The following STX6 variants were observed in gnomAD, a reference collection of about 807,000 sequenced individuals.
STX6 encodes the protein syntaxin 6.
STX6 carries 23 observed loss-of-function variants against 38.0 expected under a neutral mutation model. The ratio of observed to expected loss-of-function variants is 0.60; its 90% CI spans 0.43 to 0.86. STX6 has a LOEUF of 0.86. Ranked by LOEUF, STX6 falls within the 40% of genes least tolerant of loss-of-function variation. The pLI is 0.00. For synonymous variants in STX6, 123 were observed against 107.5 expected (o/e 1.14, Z -0.89); for missense variants, 274 against 312.9 (o/e 0.88, Z 0.94).
rs200099705 is a variant in STX6, at chr1:181,014,406, GA to G, written c.35+8232del. On this transcript the variant is annotated intron_variant, in intron 1 of 7. Coordinates refer to ENST00000258301, the MANE Select transcript of STX6 (RefSeq NM_005819.6). ...AAGACTCCATCTCAAAAAAAAAAAAGAAAAAAAAAGAAAGAAAAGCAACACA... is the reference window on the plus strand; with the variant it reads ...AAGACTCCATCTCAAAAAAAAAAAAGAAAAAAAAGAAAGAAAAGCAACACA... Among the ~76,000 whole-genome samples the G allele has an allele frequency of 2.8e-5, 4 of 142,244 alleles. No homozygotes were observed. In the South Asian group the frequency reaches 8.9e-4, roughly 32 times the overall value. 93.3% of individuals were successfully genotyped at this position (142,244 alleles called of 152,430 possible). A position where few individuals can be genotyped will look rare whatever the true frequency, so the allele number is the denominator to read the frequency against.
At chr1:181,022,280 A>G (rs1656754248) in intron 1 of STX6, among the ~76,000 whole-genome samples, 1 of 152,094 alleles carries the variant, frequency 6.6e-6, no homozygotes, top group Non-Finnish European at 1.5e-5. Flanking sequence ...CGCTCCTTCG[A>G]AGCAAGATCC....
chr1:181,004,922 A>C (rs887790522), intron 2 of STX6, among the ~76,000 whole-genome samples: 5 of 149,834 alleles, frequency 3.3e-5, no homozygotes, highest in Admixed American at 2.0e-4. Context: ...TATCATACTG[A>C]CTTGAGTGTG....
At chr1:180,996,686 C>A (rs1373545824) in intron 3 of STX6, among the ~76,000 whole-genome samples, 11 of 152,120 alleles carry the variant, frequency 7.2e-5, no homozygotes, top group Non-Finnish European at 2.9e-5. Context: ...AATCCTCCCA[C>A]CTCAGCCTCC....
chr1:181,008,066 A>C (rs1211309159), intron 1 of STX6, among the ~76,000 whole-genome samples: 1 of 152,210 alleles, frequency 6.6e-6, no homozygotes, highest in Non-Finnish European at 1.5e-5. Flanking sequence ...GTCTTTTCGG[A>C]CAATTGTGGA....
intron 1 of STX6, among the ~76,000 whole-genome samples, chr1:181,012,599 G>A (rs1403420822): frequency 4.6e-5 from 7 of 151,376 alleles, no homozygotes; most frequent in Admixed American, 4.6e-4. Context: ...TGGAAACACT[G>A]CCCACATCTT....
chr1:180,989,885 T>C (rs1386097059), intron 5 of STX6, 99 bp downstream of exon 5: 5 of 1,423,388 alleles, frequency 3.5e-6, no homozygotes, highest in Non-Finnish European at 4.9e-6. Flanking sequence ...TGGCTTACCC[T>C]CCTTGTCACT....
intron 3 of STX6, among the ~76,000 whole-genome samples, chr1:180,999,549 T>C (rs1656017104): frequency 6.6e-6 from 1 of 151,976 alleles, no homozygotes; most frequent in Admixed American, 6.6e-5. Flanking sequence ...TAAAAGATGC[T>C]TGGAAAAACA....
intron 1 of STX6, among the ~76,000 whole-genome samples, chr1:181,014,336 G>A (rs1656494749): frequency 6.6e-6 from 1 of 150,910 alleles, no homozygotes; most frequent in East Asian, 1.9e-4. Flanking sequence ...GAAGGTTGCA[G>A]TAAGCCGAGA....
chr1:180,984,344 G>C (rs979992103), intron 7 of STX6, among the ~76,000 whole-genome samples: 1 of 152,038 alleles, frequency 6.6e-6, no homozygotes, highest in Non-Finnish European at 1.5e-5. Context: ...TCAGGAGTTC[G>C]AGACTAGCCT....
At chr1:181,003,071 G>A (rs1364040155) in intron 2 of STX6, among the ~76,000 whole-genome samples, 1 of 152,140 alleles carries the variant, frequency 6.6e-6, no homozygotes, top group Non-Finnish European at 1.5e-5. Context: ...TTTTTCTCCT[G>A]CCATTCCAAA....
chr1:181,022,847 T>C lies in STX6; in HGVS notation c.-174A>G, dbSNP rs1432197619. ...CACAGGACGGCCGCTGGTCCAGCAC[T>C]CGCTCAGCACCACTGGCCGAATCCC... is the stretch of plus-strand genomic sequence containing the variant. On this transcript the variant is annotated 5_prime_UTR_variant, in exon 1 of 8. Coordinates refer to ENST00000258301, the MANE Select transcript of STX6 (RefSeq NM_005819.6). 1 of 619,846 alleles carries C rather than the reference T, an allele frequency of 1.6e-6. No individual in the cohort carries two copies. The highest frequency in any genetic ancestry group is 2.8e-6 in the Non-Finnish European group (1 of 358,754). 38.4% of individuals were successfully genotyped at this position (619,846 alleles called of 1,614,324 possible).
At chr1:180,988,615 C>T (rs1313740845) in intron 5 of STX6, 1 of 337,810 alleles carries the variant, frequency 3.0e-6, no homozygotes, top group South Asian at 2.8e-5. Context: ...GGTTGGCTGA[C>T]GTCCAATAAT....
rs553206449 is a variant in STX6 at position 180,978,747 on chromosome 1, A to G, written c.692-2101T>C. Among the ~76,000 whole-genome samples the G allele has an allele frequency of 3.5e-3, 536 of 152,328 alleles. 3 individuals carry two copies. The highest frequency in any genetic ancestry group is 0.012 in the African/African-American group (511 of 41,578). ...CCTAACAGTAGAAAAACTGGGAAGC[A>G]CTAGTGAAGTTCACGGGCCAGGGGC... is the stretch of plus-strand genomic sequence containing the variant. On this transcript the variant is annotated intron_variant, in intron 7 of 7. Transcript: ENST00000258301.
intron 2 of STX6, among the ~76,000 whole-genome samples, chr1:181,003,330 T>C (rs1656134925): frequency 6.6e-6 from 1 of 152,228 alleles, no homozygotes. Context: ...TGTTTATTAA[T>C]CTAATCTCTG....
At chr1:180,993,090 T>C (rs1481523673) in intron 4 of STX6, among the ~76,000 whole-genome samples, 1 of 152,086 alleles carries the variant, frequency 6.6e-6, no homozygotes, top group Non-Finnish European at 1.5e-5. Context: ...AAAGTAAAAG[T>C]ACTCTGTGAT....
intron 1 of STX6, among the ~76,000 whole-genome samples, chr1:181,009,744 A>G (rs556614858): frequency 5.3e-5 from 8 of 152,314 alleles, no homozygotes; most frequent in African/African-American, 1.7e-4. Context: ...TGTTTCTTGA[A>G]CATATATTTA....
chr1:180,984,858 T>C (rs1655526268), intron 6 of STX6, 87 bp from the exon 7 acceptor site: 1 of 553,242 alleles, frequency 1.8e-6, no homozygotes, highest in South Asian at 2.4e-5. Flanking sequence ...CAGGCCTCCA[T>C]TTTAGCAAAC....
rs996133300 is a variant in STX6 at position 180,976,202 on chromosome 1, A to C, written c.*368T>G. 5.3e-5 allele frequency: 13 copies of C among 246,164 alleles called. No individual in the cohort carries two copies. Among genetic ancestry groups the C allele is most frequent in the African/African-American group, 2.9e-4 (13 of 45,526 alleles). 15.2% of individuals were successfully genotyped at this position (246,164 alleles called of 1,614,324 possible). ...ACGGGGAAGGGTCTGAGCAGAAGAA[A>C]AGAGCTGCCAAAGATGCATGGAATG... On this transcript the variant is annotated 3_prime_UTR_variant, in exon 8 of 8. Transcript: ENST00000258301.
chr1:180,976,685 T>G lies in STX6; in HGVS notation c.692-39A>C, dbSNP rs752485288. 9 of 1,576,644 alleles carry G rather than the reference T, an allele frequency of 5.7e-6. No homozygotes were observed. The South Asian group carries it at 1.0e-4, about 17-fold the overall frequency. ...CATGGGGATTAGCTCTCACAGGGACTCCACATTCCCCAAGATACAGTTATA... is the reference window on the plus strand; with the variant it reads ...CATGGGGATTAGCTCTCACAGGGACGCCACATTCCCCAAGATACAGTTATA... On this transcript the variant is annotated intron_variant, in intron 7 of 7. Coordinates refer to ENST00000258301, the MANE Select transcript of STX6 (RefSeq NM_005819.6).
Sources: allele counts gnomAD v4.1 joint callset (sites outside exome capture counted in the v4.1 genomes callset), GRCh38; gene constraint gnomAD v4.1.1; transcripts MANE v1.5; gene names NCBI Gene and HGNC (gene_info 2026-07-23, HGNC 2026-07-21).